The following CLCA1 variants were observed in gnomAD, a reference collection of about 807,000 sequenced individuals.
CLCA1 encodes calcium-activated chloride channel regulator 1.
Under a neutral mutation model 85.6 loss-of-function variants are expected in CLCA1, and 59 were observed. The observed-to-expected ratio is 0.69, with a 90% CI of 0.56 to 0.86. The LOEUF is 0.86. Ranked by LOEUF, CLCA1 falls within the 40% of genes least tolerant of loss-of-function variation. CLCA1 has a pLI of 0.00. For synonymous variants in CLCA1, 396 were observed against 398.3 expected, an observed-to-expected ratio of 0.99 and a Z score of 0.07; for missense variants, 1,022 against 1,101.4, an observed-to-expected ratio of 0.93 and a Z score of 1.02.
At chr1:86,486,175 C>T (rs896887872) in intron 6 of CLCA1, among the ~76,000 whole-genome samples, 2 of 152,118 alleles carry the variant, frequency 1.3e-5, no homozygotes, top group African/African-American at 2.4e-5. Flanking sequence ...GTCCCTCCCT[C>T]GACATGTGGG....
chr1:86,471,204 C>G (rs931016482), intron 1 of CLCA1, among the ~76,000 whole-genome samples: 8 of 152,240 alleles, frequency 5.3e-5, no homozygotes, highest in African/African-American at 1.7e-4. Context: ...CTCAGCACCC[C>G]AGGCACTGTG....
intron 11 of CLCA1, 145 bp downstream of exon 11, chr1:86,494,593 C>G: frequency 1.2e-6 from 1 of 812,610 alleles, no homozygotes; most frequent in South Asian, 1.8e-5. Flanking sequence ...CTCCATTTCC[C>G]CACAATTCCT....
intron 7 of CLCA1, 140 bp downstream of exon 7, chr1:86,486,893 A>G: frequency 1.3e-6 from 1 of 764,024 alleles, no homozygotes; most frequent in Non-Finnish European, 2.2e-6. Context: ...ATTTACTTGG[A>G]GACTGTTTAG....
intron 11 of CLCA1, among the ~76,000 whole-genome samples, 156 bp from the exon 12 acceptor site, chr1:86,495,349 A>G (rs1648249121): frequency 6.6e-6 from 1 of 152,230 alleles, no homozygotes; most frequent in Admixed American, 6.5e-5. Flanking sequence ...TGATAAAAGA[A>G]GTAAGCCTTA....
intron 5 of CLCA1, among the ~76,000 whole-genome samples, chr1:86,484,396 C>G (rs1344097308): frequency 2.0e-5 from 3 of 152,076 alleles, no homozygotes; most frequent in East Asian, 3.9e-4. Flanking sequence ...CAAAGGCTGG[C>G]AAGTTTGGGA....
At chr1:86,482,516 G>A (rs1292920240) in intron 5 of CLCA1, 134 bp downstream of exon 5, 3 of 814,354 alleles carry the variant, frequency 3.7e-6, no homozygotes, top group East Asian at 2.6e-5. Context: ...GGACAAGCTG[G>A]GTGTGCAAGT....
chr1:86,479,312 G>C (rs1217122495), intron 4 of CLCA1, among the ~76,000 whole-genome samples: 1 of 152,144 alleles, frequency 6.6e-6, no homozygotes, highest in Non-Finnish European at 1.5e-5. Flanking sequence ...TAAGAAATGT[G>C]GAAGATGTAT....
intron 5 of CLCA1, among the ~76,000 whole-genome samples, chr1:86,484,851 A>G (rs1394235168): frequency 2.8e-5 from 1 of 35,428 alleles, no homozygotes; most frequent in Admixed American, 5.8e-4. Context: ...AGATGGGAGA[A>G]AAGTGATAAG....
At chr1:86,471,808 A>C (rs1028769471) in intron 1 of CLCA1, among the ~76,000 whole-genome samples, 1 of 152,186 alleles carries the variant, frequency 6.6e-6, no homozygotes, top group African/African-American at 2.4e-5. Flanking sequence ...GGAGAAATTG[A>C]GGCTCAGAGA....
chr1:86,495,954 G>A (rs1004695231), intron 12 of CLCA1, among the ~76,000 whole-genome samples: 12 of 152,136 alleles, frequency 7.9e-5, no homozygotes, highest in Non-Finnish European at 1.3e-4. Flanking sequence ...TAACCCTTAG[G>A]GGGGCAAACT....
At chr1:86,499,361 C>G (rs1648390667) in intron 13 of CLCA1, among the ~76,000 whole-genome samples, 1 of 152,228 alleles carries the variant, frequency 6.6e-6, no homozygotes, top group South Asian at 2.1e-4. Flanking sequence ...AGTTGTTAAA[C>G]AGTCTCTTCT....
intron 6 of CLCA1, among the ~76,000 whole-genome samples, chr1:86,486,053 G>A (rs1193436399): frequency 8.1e-6 from 1 of 123,370 alleles, no homozygotes; most frequent in Non-Finnish European, 1.8e-5. Context: ...TGCGCAATGT[G>A]GGAAGAGCCC....
intron 5 of CLCA1, among the ~76,000 whole-genome samples, chr1:86,483,157 C>T (rs553568228): frequency 1.3e-5 from 2 of 152,128 alleles, no homozygotes; most frequent in South Asian, 4.2e-4. Context: ...GGCCCATCGT[C>T]CTTCAATTTG....
At chr1:86,478,229 C>A (rs190778099) in intron 4 of CLCA1, among the ~76,000 whole-genome samples, 1 of 152,118 alleles carries the variant, frequency 6.6e-6, no homozygotes, top group African/African-American at 2.4e-5. Flanking sequence ...AGTTCAAGAC[C>A]AGCCTGGCCA....
At chr1:86,483,549 A>C (rs1647876470) in intron 5 of CLCA1, among the ~76,000 whole-genome samples, 1 of 152,094 alleles carries the variant, frequency 6.6e-6, no homozygotes, top group African/African-American at 2.4e-5. Context: ...CACAGGCGAG[A>C]GATATAAATA....
intron 12 of CLCA1, among the ~76,000 whole-genome samples, chr1:86,497,936 A>G (rs1558148193): frequency 6.6e-6 from 1 of 152,130 alleles, no homozygotes; most frequent in Non-Finnish European, 1.5e-5. Flanking sequence ...TGAGGTTAGG[A>G]GTTCGAGACC....
chr1:86,492,037 G>A (rs980738498), intron 9 of CLCA1, among the ~76,000 whole-genome samples: 1 of 150,900 alleles, frequency 6.6e-6, no homozygotes, highest in African/African-American at 2.4e-5. Context: ...AAAGAAAAAT[G>A]TATTTTTTCA....
chr1:86,493,705 C>A, intron 10 of CLCA1, 106 bp downstream of exon 10: 1 of 842,850 alleles, frequency 1.2e-6, no homozygotes, highest in Non-Finnish European at 1.9e-6. Context: ...AAAGGAGAGT[C>A]AGTATTGAAT....
rs747751017 is a variant in CLCA1 at position 86,491,319 on chromosome 1, C to T, written c.1412C>T (p.Ala471Val). ...DQVQNNGLIDAFGALSSGNGA... is the reference protein window; with the variant it reads ...DQVQNNGLIDVFGALSSGNGA... Reference sequence around the variant, plus strand: ...GTTCAGAACAATGGCCTCATTGATGCTTTTGGGGCCCTTTCATCAGGAAAT... The same window carrying T: ...GTTCAGAACAATGGCCTCATTGATGTTTTTGGGGCCCTTTCATCAGGAAAT... Residue 471 changes from alanine to valine, a missense_variant, in exon 9 of 14, where the codon GCT (alanine) becomes GTT (valine). By Grantham distance (64) the Ala-to-Val change is moderately conservative. Transcript: ENST00000394711. 1.1e-5 allele frequency: 18 copies of T among 1,613,378 alleles called. No homozygotes were observed. Among genetic ancestry groups the T allele is most frequent in the Non-Finnish European group, 1.4e-5 (17 of 1,179,512 alleles).
Sources: allele counts gnomAD v4.1 joint callset (sites outside exome capture counted in the v4.1 genomes callset), GRCh38; gene constraint gnomAD v4.1.1; transcripts MANE v1.5; gene names NCBI Gene and HGNC (gene_info 2026-07-23, HGNC 2026-07-21).